The following PDS5A variants were observed in gnomAD, a reference collection of about 807,000 sequenced individuals.
The protein encoded by PDS5A is PDS5 cohesin associated factor A.
In PDS5A, 42 loss-of-function variants were observed where a neutral mutation model predicts 167.1. That is an observed-to-expected ratio of 0.25 (90% CI 0.20 to 0.33). The LOEUF (loss-of-function observed/expected upper bound fraction) is 0.33, where lower values mean the gene tolerates loss of function less well. PDS5A is among the 10% of genes least tolerant of loss of function. PDS5A has a pLI of 1.00. For synonymous variants in PDS5A, 553 were observed against 554.6 expected (o/e 1.00, Z 0.04); for missense variants, 1,033 against 1,605.9 (o/e 0.64, Z 6.10).
chr4:39,896,090 T>G (rs1722388489), intron 16 of PDS5A, among the ~76,000 whole-genome samples: 1 of 150,944 alleles, frequency 6.6e-6, no homozygotes, highest in Admixed American at 6.6e-5. Flanking sequence ...TCACCCAGGC[T>G]GGAATGCAGT....
chr4:39,917,072 C>T lies in PDS5A; in HGVS notation c.852G>A (p.Met284Ile). 1 of 1,526,708 alleles carries T rather than the reference C, an allele frequency of 6.6e-7. No individual in the cohort carries two copies. The highest frequency in any genetic ancestry group is 8.8e-7 in the Non-Finnish European group (1 of 1,141,820). 94.6% of individuals were successfully genotyped at this position (1,526,708 alleles called of 1,614,324 possible). A position where few individuals can be genotyped will look rare whatever the true frequency, so the allele number is the denominator to read the frequency against. Reference sequence around the variant, plus strand: ...CCTTTAGTTTGAATTCAAGCTGTGGCATGACGGATAATAATAAATGAGGAT... The same window carrying T: ...CCTTTAGTTTGAATTCAAGCTGTGGTATGACGGATAATAATAAATGAGGAT... ...AIDPHLLLSV[M>I]PQLEFKLKSN... The change falls in exon 8 of 33, where the codon ATG (methionine) becomes ATA (isoleucine). Residue 284 changes from methionine to isoleucine, a missense_variant. By Grantham distance (10) the Met-to-Ile change is conservative. Transcript: ENST00000303538.
intron 2 of PDS5A, chr4:39,932,465 G>C (rs1726165978): frequency 4.5e-6 from 1 of 222,296 alleles, no homozygotes; most frequent in African/African-American, 2.3e-5. Flanking sequence ...ACAACCAAGG[G>C]GAGAAAACCT....
chr4:39,934,478 T>C (rs1726380722), intron 2 of PDS5A, among the ~76,000 whole-genome samples: 1 of 152,216 alleles, frequency 6.6e-6, no homozygotes, highest in Non-Finnish European at 1.5e-5. Flanking sequence ...TAATCTCTTC[T>C]TACCTCATCT....
intron 17 of PDS5A, among the ~76,000 whole-genome samples, chr4:39,887,418 G>A (rs1402301001): frequency 6.6e-6 from 1 of 151,988 alleles, no homozygotes; most frequent in Non-Finnish European, 1.5e-5. Context: ...CATGTTTATC[G>A]ATATATGATT....
chr4:39,890,175 C>T lies in PDS5A; in HGVS notation c.1886+74G>A, dbSNP rs1237184802. 5.3e-5 allele frequency: 42 copies of T among 799,322 alleles called. No homozygotes were observed. In the East Asian group the frequency reaches 1.1e-3, roughly 20 times the overall value. 49.5% of individuals were successfully genotyped at this position (799,322 alleles called of 1,614,324 possible). A position where few individuals can be genotyped will look rare whatever the true frequency, so the allele number is the denominator to read the frequency against. On this transcript the variant is annotated intron_variant, in intron 17 of 32. Coordinates refer to ENST00000303538, the MANE Select transcript of PDS5A (RefSeq NM_001100399.2). ...AGAGGTTTTCAGGTATCTTTAGGAG[C>T]CCAGAATTTAAATTAACAACATTGT...
chr4:39,976,126 G>C (rs1222747587), intron 2 of PDS5A: 13 of 182,400 alleles, frequency 7.1e-5, no homozygotes, highest in South Asian at 3.8e-4. Context: ...GCAAATTACT[G>C]CCTACACCTA....
At chr4:39,970,654 G>C (rs552489522) in intron 2 of PDS5A, among the ~76,000 whole-genome samples, 3 of 151,908 alleles carry the variant, frequency 2.0e-5, no homozygotes, top group Admixed American at 2.0e-4. Context: ...AAACTGCCCT[G>C]TGACTGATTT....
chr4:39,974,019 G>A (rs981164246), intron 2 of PDS5A: 3 of 457,796 alleles, frequency 6.6e-6, no homozygotes, highest in African/African-American at 2.0e-5. Context: ...CCAGCTACTC[G>A]GGAGGCTGAG....
intron 26 of PDS5A, among the ~76,000 whole-genome samples, chr4:39,856,943 G>A (rs1485594812): frequency 6.6e-6 from 1 of 152,050 alleles, no homozygotes; most frequent in African/African-American, 2.4e-5. Flanking sequence ...AATAAAGGGA[G>A]GGAAAATACA....
chr4:39,831,951 T>A (rs1367116701), intron 32 of PDS5A, among the ~76,000 whole-genome samples: 1 of 132,940 alleles, frequency 7.5e-6, no homozygotes, highest in East Asian at 2.5e-4. Context: ...CCGTCTCTAC[T>A]ACAAATACAA....
chr4:39,834,892 C>A (rs574118564), intron 32 of PDS5A, among the ~76,000 whole-genome samples: 1 of 152,306 alleles, frequency 6.6e-6, no homozygotes, highest in African/African-American at 2.4e-5. Context: ...CTAACCTCAG[C>A]CCCAGGCTCA....
Position 39,926,876 on chromosome 4 carries a change from A to AC in PDS5A, c.343-16_343-15insG. The AC allele has an allele frequency of 7.1e-7, 1 of 1,404,338 alleles. No homozygotes were observed. The highest frequency in any genetic ancestry group is 1.5e-5 in the South Asian group (1 of 65,132). 87.0% of individuals were successfully genotyped at this position (1,404,338 alleles called of 1,614,324 possible). On this transcript the variant is annotated splice_polypyrimidine_tract_variant and intron_variant, in intron 3 of 32. Coordinates refer to ENST00000303538, the MANE Select transcript of PDS5A (RefSeq NM_001100399.2). ...AAAAATATGTCCTGTTAAAAAAAAA[A>AC]ACACATTAATTTAGACACAAATACT...
At chr4:39,918,174 C>A (rs576155870) in intron 7 of PDS5A, among the ~76,000 whole-genome samples, 1 of 129,580 alleles carries the variant, frequency 7.7e-6, no homozygotes, top group South Asian at 2.9e-4. Flanking sequence ...CAGAACAAGA[C>A]CCTGTCTCAA....
chr4:39,877,054 C>T lies in PDS5A; in HGVS notation c.2092G>A (p.Ala698Thr), dbSNP rs866713441. The change falls in exon 19 of 33, where the codon GCT becomes ACT. Residue 698 changes from alanine (A) to threonine (T), a missense_variant. By Grantham distance (58) the Ala-to-Thr change is moderately conservative (BLOSUM62 0). Transcript: ENST00000303538. ...RMEDDKVAEA[A>T]IQIFRNTGHK... Reference sequence around the variant, plus strand: ...CCTGTATTTCTAAAAATTTGAATAGCAGCTTCTGCTACCTTGTCATCCTCC... The same window carrying T: ...CCTGTATTTCTAAAAATTTGAATAGTAGCTTCTGCTACCTTGTCATCCTCC... The T allele has an allele frequency of 6.2e-7, 1 of 1,611,076 alleles. No homozygotes were observed. The highest frequency in any genetic ancestry group is 1.3e-5 in the African/African-American group (1 of 74,848).
At chr4:39,838,516 G>C (rs552824835) in intron 31 of PDS5A, among the ~76,000 whole-genome samples, 1 of 152,288 alleles carries the variant, frequency 6.6e-6, no homozygotes, top group Admixed American at 6.5e-5. Context: ...GAGCCCAGGA[G>C]TTCCAAACAA....
chr4:39,931,427 T>C (rs901841312), intron 2 of PDS5A, among the ~76,000 whole-genome samples: 1 of 152,160 alleles, frequency 6.6e-6, no homozygotes, highest in Non-Finnish European at 1.5e-5. Flanking sequence ...CTTAGCTAAG[T>C]CGTGTGGGCC....
At chr4:39,938,550 T>C (rs554789129) in intron 2 of PDS5A, among the ~76,000 whole-genome samples, 29 of 151,220 alleles carry the variant, frequency 1.9e-4, no homozygotes, top group Admixed American at 4.0e-4. Flanking sequence ...CAAGACTCTG[T>C]CTCAAAAAAT....
intron 17 of PDS5A, among the ~76,000 whole-genome samples, chr4:39,887,873 G>A (rs900742884): frequency 1.8e-5 from 2 of 112,666 alleles, no homozygotes; most frequent in African/African-American, 5.5e-5. Flanking sequence ...CAACTCAATA[G>A]CAAAATAACA....
intron 32 of PDS5A, among the ~76,000 whole-genome samples, chr4:39,828,258 T>C (rs904389067): frequency 6.6e-6 from 1 of 152,236 alleles, no homozygotes; most frequent in African/African-American, 2.4e-5. Context: ...AAAAATCCGA[T>C]CTAAAAATTC....
Sources: allele counts gnomAD v4.1 joint callset (sites outside exome capture counted in the v4.1 genomes callset), GRCh38; gene constraint gnomAD v4.1.1; transcripts MANE v1.5; gene names NCBI Gene and HGNC (gene_info 2026-07-23, HGNC 2026-07-21).